The following KCNMB4 variants were observed in gnomAD, a reference collection of about 807,000 sequenced individuals.
The protein encoded by KCNMB4 is potassium calcium-activated channel subfamily M regulatory beta subunit 4.
Under a neutral mutation model 20.7 loss-of-function variants are expected in KCNMB4, and 3 were observed. The ratio of observed to expected loss-of-function variants is 0.14; its 90% CI spans 0.07 to 0.37. KCNMB4 has a LOEUF of 0.37. KCNMB4 is among the 10% of genes least tolerant of loss of function. KCNMB4 has a pLI of 1.00. For synonymous variants in KCNMB4, 110 were observed against 113.4 expected (o/e 0.97, Z 0.19); for missense variants, 168 against 265.9 (o/e 0.63, Z 2.56).
chr12:70,372,951 C>T (rs1883623871), intron 1 of KCNMB4, among the ~76,000 whole-genome samples: 1 of 152,028 alleles, frequency 6.6e-6, no homozygotes, highest in African/African-American at 2.4e-5. Flanking sequence ...ATGAAGAGAA[C>T]ATCAAAGAAG....
At chr12:70,402,654 C>CTAA (rs1868485940) in intron 2 of KCNMB4, among the ~76,000 whole-genome samples, 1 of 75,108 alleles carries the variant, frequency 1.3e-5, no homozygotes, top group Non-Finnish European at 2.5e-5. Flanking sequence ...GACCCTGCCT[C>CTAA]AAAAAAAAAA....
intron 2 of KCNMB4, among the ~76,000 whole-genome samples, chr12:70,417,860 G>GA (rs1332844233): frequency 6.6e-6 from 1 of 152,024 alleles, no homozygotes; most frequent in Non-Finnish European, 1.5e-5. Context: ...GGAATACTGG[G>GA]AAAAAAATCC....
intron 1 of KCNMB4, among the ~76,000 whole-genome samples, chr12:70,394,257 T>C (rs1868329802): frequency 1.0e-5 from 1 of 99,420 alleles, no homozygotes; most frequent in Non-Finnish European, 1.9e-5. Flanking sequence ...ATTCCTAGTC[T>C]TAATCACACT....
At chr12:70,402,708 A>G (rs1032913262) in intron 2 of KCNMB4, among the ~76,000 whole-genome samples, 1 of 151,406 alleles carries the variant, frequency 6.6e-6, no homozygotes, top group African/African-American at 2.4e-5. Flanking sequence ...TGAAGGAGAA[A>G]TGCACAGGTG....
At chr12:70,419,082 C>G (rs1279905746) in intron 2 of KCNMB4, among the ~76,000 whole-genome samples, 1 of 152,126 alleles carries the variant, frequency 6.6e-6, no homozygotes, top group Non-Finnish European at 1.5e-5. Context: ...CTTGAGAAGT[C>G]CCTTGTGTAG....
rs1869440555 is a variant in KCNMB4 at position 70,434,275 on chromosome 12, T to C, written c.*3622T>C. On this transcript the variant is annotated 3_prime_UTR_variant, in exon 3 of 3. Transcript: ENST00000258111. ...CTGGAAAGTCTCAGTATGTGAGTAA[T>C]AAACCTTTTTATACCCATTTCTTGT... 1 of 152,194 alleles carries C rather than the reference T, an allele frequency of 6.6e-6. No homozygotes were observed. The highest frequency in any genetic ancestry group is 2.1e-4 in the South Asian group (1 of 4,828). 9.4% of individuals were successfully genotyped at this position (152,194 alleles called of 1,614,324 possible).
chr12:70,409,506 G>A lies in KCNMB4; in HGVS notation c.464+9170G>A, dbSNP rs895340935. The stretch of plus-strand genomic sequence containing the variant: ...TGCCATTGAATTATGTGCCAGTCAA[G>A]GAAAACCAAAGACAAAACAACAAGA... On this transcript the variant is annotated intron_variant, in intron 2 of 2. Coordinates refer to ENST00000258111, the MANE Select transcript of KCNMB4 (RefSeq NM_014505.6). Among the ~76,000 whole-genome samples the A allele has an allele frequency of 6.6e-5, 10 of 152,208 alleles. 1 individual carries two copies. In the Middle Eastern group the frequency reaches 0.01, roughly 155 times the overall value.
At chr12:70,396,552 C>T (rs1185336722) in intron 1 of KCNMB4, among the ~76,000 whole-genome samples, 4 of 152,138 alleles carry the variant, frequency 2.6e-5, no homozygotes, top group Admixed American at 6.6e-5. Context: ...GTGATCTGCC[C>T]GCCTCAACCT....
intron 2 of KCNMB4, among the ~76,000 whole-genome samples, chr12:70,427,488 A>C (rs1220170409): frequency 5.3e-5 from 8 of 152,240 alleles, no homozygotes; most frequent in Non-Finnish European, 1.0e-4. Context: ...TTTTAAAGAA[A>C]TGTGTACATT....
chr12:70,423,078 T>G (rs1291966880), intron 2 of KCNMB4, among the ~76,000 whole-genome samples: 1 of 152,222 alleles, frequency 6.6e-6, no homozygotes, highest in Non-Finnish European at 1.5e-5. Context: ...AACTTCTATT[T>G]GTAGTCCTAA....
At chr12:70,429,448 C>T (rs984164168) in intron 2 of KCNMB4, among the ~76,000 whole-genome samples, 1 of 152,048 alleles carries the variant, frequency 6.6e-6, no homozygotes, top group Non-Finnish European at 1.5e-5. Context: ...GGGCGGATCA[C>T]GAGGTCAGGA....
At chr12:70,422,707 G>A in intron 2 of KCNMB4, 1 of 1,289,062 alleles carries the variant, frequency 7.8e-7, no homozygotes, top group Non-Finnish European at 1.0e-6. Flanking sequence ...TGGTTTGCAG[G>A]TCTTGATGAT....
chr12:70,410,856 G>A, intron 2 of KCNMB4, among the ~76,000 whole-genome samples: 1 of 152,142 alleles, frequency 6.6e-6, no homozygotes, highest in African/African-American at 2.4e-5. Flanking sequence ...TACTCCTGAT[G>A]CTAACAGATA....
chr12:70,385,376 C>G (rs1016826263), intron 1 of KCNMB4, among the ~76,000 whole-genome samples: 4 of 152,306 alleles, frequency 2.6e-5, no homozygotes, highest in Admixed American at 2.6e-4. Context: ...GTTGAGCTTT[C>G]TTTCATCTAG....
chr12:70,407,460 CTTTTTT>C lies in KCNMB4; in HGVS notation c.464+7144_464+7149del, dbSNP rs35371839. 5.1e-3 allele frequency among the ~76,000 whole-genome samples: 329 copies of C among 64,174 alleles called. 1 individual carries two copies. Among genetic ancestry groups the C allele is most frequent in the African/African-American group, 0.02 (312 of 15,670 alleles). 42.1% of individuals were successfully genotyped at this position (64,174 alleles called of 152,430 possible). On this transcript the variant is annotated intron_variant, in intron 2 of 2. Transcript: ENST00000258111. ...GGCTAGAGAGAGGTGGTGCTGAATTCTTTTTTTTTTTTTTTTTTTTTTTTTGAGATG... is the reference window on the plus strand; with the variant it reads ...GGCTAGAGAGAGGTGGTGCTGAATTCTTTTTTTTTTTTTTTTTTTGAGATG...
intron 2 of KCNMB4, among the ~76,000 whole-genome samples, chr12:70,424,339 G>C (rs1869150327): frequency 6.6e-6 from 1 of 151,922 alleles, no homozygotes; most frequent in Non-Finnish European, 1.5e-5. Context: ...AGTTCTGAGT[G>C]GATCCCCACA....
intron 2 of KCNMB4, among the ~76,000 whole-genome samples, chr12:70,424,364 T>C (rs1388896498): frequency 1.3e-5 from 2 of 151,012 alleles, no homozygotes; most frequent in African/African-American, 4.9e-5. Context: ...AGCAGTTCAA[T>C]GTAAAGAATA....
intron 2 of KCNMB4, among the ~76,000 whole-genome samples, chr12:70,414,118 GCTA>G: frequency 6.6e-6 from 1 of 152,268 alleles, no homozygotes; most frequent in East Asian, 1.9e-4. Context: ...TGTAATCCCA[GCTA>G]CTCAGGAGGC....
intron 2 of KCNMB4, chr12:70,422,784 A>G: frequency 3.2e-6 from 4 of 1,268,786 alleles, no homozygotes; most frequent in Non-Finnish European, 4.1e-6. Context: ...TAGGCCCCCG[A>G]TCTCAGGGTT....
Sources: allele counts gnomAD v4.1 joint callset (sites outside exome capture counted in the v4.1 genomes callset), GRCh38; gene constraint gnomAD v4.1.1; transcripts MANE v1.5; gene names NCBI Gene and HGNC (gene_info 2026-07-23, HGNC 2026-07-21).